Variants in CR1 observed in about 807,000 individuals in gnomAD.
CR1 encodes the protein complement receptor type 1.
Under a neutral mutation model 187.3 loss-of-function variants are expected in CR1, and 116 were observed. The ratio of observed to expected loss-of-function variants is 0.62; its 90% CI spans 0.53 to 0.72. CR1 has a LOEUF of 0.72. Among genes scored for constraint, CR1 ranks in the 30% least tolerant of loss-of-function variants. The pLI, the probability that CR1 is intolerant of heterozygous loss-of-function variation, is 0.00. For missense variants in CR1, 1,731 were observed against 2,110.7 expected (o/e 0.82, Z 3.52); for synonymous variants, 576 against 747.1 (o/e 0.77, Z 3.73).
rs1017345552 is a variant in CR1 at position 207,611,590 on chromosome 1, G to A, written c.6296-87G>A. 5.4e-5 allele frequency: 83 copies of A among 1,548,572 alleles called. 1 individual carries two copies. The Middle Eastern group carries it at 1.2e-3, about 23-fold the overall frequency. On this transcript the variant is annotated intron_variant, in intron 37 of 46. Coordinates refer to ENST00000367049, the MANE Select transcript of CR1 (RefSeq NM_000651.6). ...TTTAATAGCTGCACTCTGCAATGAC[G>A]ATTTTTAAGCCCTCTGGTAAGCATA... is the stretch of plus-strand genomic sequence containing the variant.
intron 31 of CR1, among the ~76,000 whole-genome samples, chr1:207,581,291 C>CGTATACATATGGACACGTATATGTATAT (rs1355623855): frequency 2.7e-5 from 4 of 150,936 alleles, no homozygotes; most frequent in African/African-American, 9.7e-5. Context: ...TATATGTATA[C>CGTATACATATGGACACGTATATGTATAT]GTATACATAT....
chr1:207,504,469 A>G (rs1225343431), intron 1 of CR1, among the ~76,000 whole-genome samples: 1 of 150,716 alleles, frequency 6.6e-6, no homozygotes, highest in African/African-American at 2.5e-5. Flanking sequence ...GAAATAGACA[A>G]ATGTACAATA....
At chr1:207,595,141 GAAA>G (rs76679590) in intron 35 of CR1, among the ~76,000 whole-genome samples, 24 of 92,836 alleles carry the variant, frequency 2.6e-4, no homozygotes, top group African/African-American at 8.8e-4. Context: ...CCAACCCCCG[GAAA>G]AAAAAAAAAA....
chr1:207,584,094 T>G (rs1359614163), intron 32 of CR1, among the ~76,000 whole-genome samples: 1 of 152,062 alleles, frequency 6.6e-6, no homozygotes, highest in African/African-American at 2.4e-5. Flanking sequence ...TACATAGCAT[T>G]TTTTTTTCAT....
rs534354966 is a variant in CR1, at chr1:207,514,498, G to A, written c.487+2844G>A. Among the ~76,000 whole-genome samples, 36 of 152,208 alleles carry A rather than the reference G, an allele frequency of 2.4e-4. 1 individual carries two copies. In the South Asian group the frequency reaches 7.5e-3, roughly 32 times the overall value. On this transcript the variant is annotated intron_variant, in intron 4 of 46. Coordinates refer to ENST00000367049, the MANE Select transcript of CR1 (RefSeq NM_000651.6). Reference sequence around the variant, plus strand: ...ATTAGCGTCCTAATAAAAGAGGCCCGGAAGAGCTCCTTTGGCCCTCCCACC... The same window carrying A: ...ATTAGCGTCCTAATAAAAGAGGCCCAGAAGAGCTCCTTTGGCCCTCCCACC...
At chr1:207,630,467 GA>G (rs1254552467) in intron 45 of CR1, 49 bp from the exon 46 acceptor site, 1 of 1,203,536 alleles carries the variant, frequency 8.3e-7, no homozygotes, top group African/African-American at 1.6e-5. Flanking sequence ...TTTCAAAACA[GA>G]TACTTAAATG....
At chr1:207,599,783 AT>A (rs1461362368) in intron 35 of CR1, among the ~76,000 whole-genome samples, 4 of 152,376 alleles carry the variant, frequency 2.6e-5, no homozygotes, top group Admixed American at 6.5e-5. Context: ...GAGATATCCT[AT>A]ACACATATGT....
At chr1:207,601,248 T>C (rs894956893) in intron 35 of CR1, among the ~76,000 whole-genome samples, 1 of 152,104 alleles carries the variant, frequency 6.6e-6, no homozygotes, top group African/African-American at 2.4e-5. Flanking sequence ...CCTGTTGATA[T>C]TGAAGAGATT....
At chr1:207,625,553 C>T (rs2102408494) in intron 45 of CR1, among the ~76,000 whole-genome samples, 1 of 152,240 alleles carries the variant, frequency 6.6e-6, no homozygotes, top group Non-Finnish European at 1.5e-5. Flanking sequence ...GAGATAATGG[C>T]ATATTGCAGT....
At chr1:207,585,695 T>G (rs948320970) in intron 33 of CR1, among the ~76,000 whole-genome samples, 1 of 152,200 alleles carries the variant, frequency 6.6e-6, no homozygotes, top group Non-Finnish European at 1.5e-5. Flanking sequence ...TAACCTTTCT[T>G]TGACCTTTAC....
chr1:207,506,409 T>C (rs1454999730), intron 2 of CR1, among the ~76,000 whole-genome samples: 1 of 152,208 alleles, frequency 6.6e-6, no homozygotes, highest in Non-Finnish European at 1.5e-5. Context: ...AACTAAAAGA[T>C]GTGACAATCT....
intron 35 of CR1, among the ~76,000 whole-genome samples, chr1:207,605,442 A>G (rs1489470980): frequency 6.6e-6 from 1 of 152,114 alleles, no homozygotes; most frequent in African/African-American, 2.4e-5. Context: ...ACATATATCA[A>G]AACACCACAT....
intron 41 of CR1, among the ~76,000 whole-genome samples, chr1:207,617,596 TATATATATATATATATAG>T (rs1231722251): frequency 9.5e-5 from 4 of 42,190 alleles, no homozygotes; most frequent in South Asian, 2.2e-3. Context: ...TATATATATA[TATATATATATATATATAG>T]AGAGAGAGAG....
In CR1 at chr1:207,587,388, C is replaced by T; in HGVS notation, c.5533C>T (p.His1845Tyr). The change falls in exon 34 of 47, where the codon CAC (histidine) becomes TAC (tyrosine). Residue 1845 changes from histidine (H) to tyrosine (Y), a missense_variant and splice_region_variant. Coordinates refer to ENST00000367049, the MANE Select transcript of CR1 (RefSeq NM_000651.6). ...PRCELSVRAG[H>Y]CKTPEQFPFA... ...ATTCCTGTGGTTTTTCTCTCCAGGT[C>T]ACTGTAAAACCCCAGAGCAGTTTCC... 1 of 1,609,684 alleles carries T rather than the reference C, an allele frequency of 6.2e-7. No individual in the cohort carries two copies. Among genetic ancestry groups the T allele is most frequent in the Non-Finnish European group, 8.5e-7 (1 of 1,177,734 alleles).
chr1:207,565,847 A>G lies in CR1; in HGVS notation c.3876A>G (p.Leu1292=). Residue 1292 remains leucine, a synonymous_variant, in exon 24 of 47, where the codon TTA becomes TTG. Transcript: ENST00000367049. The part of the protein sequence containing the change: ...VDFVCDEGFQ[L]KGSSASYCVL... ...CTATTTTCTTCTTTAGATTTCAATTAAAAGGCAGCTCTGCTAGTTATTGTG... is the reference window on the plus strand; with the variant it reads ...CTATTTTCTTCTTTAGATTTCAATTGAAAGGCAGCTCTGCTAGTTATTGTG... The G allele has an allele frequency of 6.2e-7, 1 of 1,610,778 alleles. No homozygotes were observed. The highest frequency in any genetic ancestry group is 1.1e-5 in the South Asian group (1 of 91,046).
chr1:207,575,921 C>G (rs1660731025), intron 28 of CR1, among the ~76,000 whole-genome samples: 1 of 152,130 alleles, frequency 6.6e-6, no homozygotes, highest in Admixed American at 6.6e-5. Flanking sequence ...ATTTAACCAG[C>G]CCCCAATGTC....
chr1:207,579,271 G>A (rs1021360934), intron 29 of CR1, among the ~76,000 whole-genome samples: 1 of 152,198 alleles, frequency 6.6e-6, no homozygotes, highest in African/African-American at 2.4e-5. Flanking sequence ...CAGCTGTGTA[G>A]GAGGTGTTAT....
chr1:207,497,111 A>C (rs1054665492), intron 1 of CR1, among the ~76,000 whole-genome samples: 2 of 152,224 alleles, frequency 1.3e-5, no homozygotes, highest in African/African-American at 4.8e-5. Flanking sequence ...AGACAGATGC[A>C]TGCCAGGCAC....
chr1:207,632,799 A>G (rs1662689266), intron 46 of CR1, among the ~76,000 whole-genome samples: 2 of 12,428 alleles, frequency 1.6e-4, no homozygotes, highest in South Asian at 4.2e-3. Flanking sequence ...CTCCGTCTCA[A>G]AAAAAAAAAA....
Sources: gnomAD v4.1 joint callset for allele counts (sites outside exome capture counted in the v4.1 genomes callset) on GRCh38, gnomAD v4.1.1 for gene constraint, MANE v1.5 for transcripts, NCBI Gene and HGNC (gene_info 2026-07-23, HGNC 2026-07-21) for gene names.